The following SPRED1 variants were observed in gnomAD, a reference collection of about 807,000 sequenced individuals.
SPRED1 encodes the protein sprouty related EVH1 domain containing 1.
A neutral mutation model predicts 52.3 loss-of-function variants in SPRED1; 18 were observed. That is an observed-to-expected ratio of 0.34 (90% CI 0.24 to 0.51). The LOEUF (loss-of-function observed/expected upper bound fraction) is 0.51. Among genes scored for constraint, SPRED1 ranks in the 20% least tolerant of loss-of-function variants. The pLI is 0.97. For missense variants in SPRED1, 485 were observed against 551.0 expected, an observed-to-expected ratio of 0.88 and a Z score of 1.20; for synonymous variants, 155 against 179.7, an observed-to-expected ratio of 0.86 and a Z score of 1.10.
chr15:38,295,524 G>C (rs1218119552), intron 1 of SPRED1, among the ~76,000 whole-genome samples: 1 of 152,142 alleles, frequency 6.6e-6, no homozygotes, highest in East Asian at 1.9e-4. Flanking sequence ...TGACGGAAAC[G>C]TTATTATGCA....
At chr15:38,285,798 C>T (rs118002785) in intron 1 of SPRED1, among the ~76,000 whole-genome samples, 1 of 152,184 alleles carries the variant, frequency 6.6e-6, no homozygotes, top group African/African-American at 2.4e-5. Flanking sequence ...TTTCAAGTTA[C>T]CTTTTCCCCA....
At chr15:38,265,951 T>C (rs566282154) in intron 1 of SPRED1, among the ~76,000 whole-genome samples, 58 of 152,338 alleles carry the variant, frequency 3.8e-4, no homozygotes, top group African/African-American at 1.2e-3. Context: ...ACGCACTATT[T>C]CTGCCAGCTA....
In SPRED1 at chr15:38,299,391, G is replaced by A. The variant is rs864622421; in HGVS notation, c.51G>A (p.Val17=). ...ATTTTAGTAATAGTTATGCACGAGT[G>A]CGAGCTGTGGTGATGACCCGAGATG... ...TSDNDNSYAR[V]RAVVMTRDDS... is the part of the protein sequence containing the mutation. The change falls in exon 2 of 7, where the codon GTG becomes GTA. Residue 17 remains valine, a synonymous_variant. Coordinates refer to ENST00000299084, the MANE Select transcript of SPRED1 (RefSeq NM_152594.3). The A allele has an allele frequency of 6.2e-7, 1 of 1,613,902 alleles. No homozygotes were observed.
intron 1 of SPRED1, among the ~76,000 whole-genome samples, chr15:38,264,750 T>C (rs1894272316): frequency 6.6e-6 from 1 of 151,962 alleles, no homozygotes; most frequent in Admixed American, 6.6e-5. Flanking sequence ...GTAAGGATTT[T>C]GGAATTGGAG....
chr15:38,342,896 T>A (rs1454245828), intron 5 of SPRED1, among the ~76,000 whole-genome samples: 1 of 152,118 alleles, frequency 6.6e-6, no homozygotes, highest in South Asian at 2.1e-4. Context: ...GAGATAAATT[T>A]TGGAAATCAT....
At chr15:38,308,418 G>A (rs936614459) in intron 2 of SPRED1, among the ~76,000 whole-genome samples, 3 of 152,032 alleles carry the variant, frequency 2.0e-5, no homozygotes, top group East Asian at 3.8e-4. Flanking sequence ...GTTTTATCAC[G>A]TTTTCACTAC....
intron 1 of SPRED1, among the ~76,000 whole-genome samples, chr15:38,274,160 T>C (rs1049937532): frequency 1.3e-5 from 2 of 152,242 alleles, no homozygotes; most frequent in Admixed American, 6.5e-5. Context: ...CATTTTTAAA[T>C]GGTCAGACTA....
chr15:38,262,586 A>G (rs1894228097), intron 1 of SPRED1, among the ~76,000 whole-genome samples: 1 of 152,204 alleles, frequency 6.6e-6, no homozygotes, highest in African/African-American at 2.4e-5. Flanking sequence ...AGGAGTTGTT[A>G]AGGAAAGTGT....
At position 38,352,835 on chromosome 15, in the gene SPRED1, CA is replaced by C. The variant is rs930076987; in HGVS notation, c.*1175del. The C allele has an allele frequency of 6.6e-5, 10 of 152,130 alleles. No individual in the cohort carries two copies. Among genetic ancestry groups the C allele is most frequent in the Admixed American group, 6.5e-4 (10 of 15,284 alleles). The allele number at this position is 152,130 out of a possible 1,614,324, so 9.4% of individuals were successfully genotyped here. A position where few individuals can be genotyped will look rare whatever the true frequency, so the allele number is the denominator to read the frequency against. ...TATTTTTATTTAAACTGGCCAAAAGCAAAATTATTTTATGTTAAAATGTGTG... is the reference window on the plus strand; with the variant it reads ...TATTTTTATTTAAACTGGCCAAAAGCAAATTATTTTATGTTAAAATGTGTG... On this transcript the variant is annotated 3_prime_UTR_variant, in exon 7 of 7. Transcript: ENST00000299084.
At chr15:38,299,046 G>A (rs1895097595) in intron 1 of SPRED1, among the ~76,000 whole-genome samples, 1 of 152,302 alleles carries the variant, frequency 6.6e-6, no homozygotes, top group African/African-American at 2.4e-5. Flanking sequence ...ACCCTGTGTA[G>A]TTTGACAGTA....
In SPRED1 at chr15:38,253,085, C is replaced by T. The variant is rs1894013337; in HGVS notation, c.-101C>T. 3.0e-6 allele frequency: 3 copies of T among 999,494 alleles called. No individual in the cohort carries two copies. The highest frequency in any genetic ancestry group is 3.1e-6 in the Non-Finnish European group (2 of 651,076). 61.9% of individuals were successfully genotyped at this position (999,494 alleles called of 1,614,324 possible). A position where few individuals can be genotyped will look rare whatever the true frequency, so the allele number is the denominator to read the frequency against. On this transcript the variant is annotated 5_prime_UTR_variant, in exon 1 of 7. Transcript: ENST00000299084. ...TGAGGCCCCTGTGCCGCTGCCCCCG[C>T]GCCCCCCCGGCCGCCGCTGCCTCCT...
At chr15:38,341,684 C>A (rs1200625514) in intron 5 of SPRED1, among the ~76,000 whole-genome samples, 1 of 151,960 alleles carries the variant, frequency 6.6e-6, no homozygotes, top group East Asian at 1.9e-4. Context: ...TTCTGGTTTT[C>A]TCTTTGATGT....
intron 4 of SPRED1, among the ~76,000 whole-genome samples, chr15:38,339,482 C>G (rs565955971): frequency 1.3e-5 from 2 of 151,922 alleles, no homozygotes; most frequent in South Asian, 4.2e-4. Flanking sequence ...CATGGTTAGC[C>G]TTTTAGTTCT....
intron 3 of SPRED1, among the ~76,000 whole-genome samples, chr15:38,324,189 CTAGGACAAATCCTTTCTTATTAATT>C (rs1228795924): frequency 6.6e-6 from 1 of 152,140 alleles, no homozygotes; most frequent in African/African-American, 2.4e-5. Flanking sequence ...GAGTACTTTG[CTAGGACAAATCCTTTCTTATTAATT>C]TATTGAAACT....
chr15:38,298,312 A>G (rs2140977540), intron 1 of SPRED1, among the ~76,000 whole-genome samples: 1 of 152,292 alleles, frequency 6.6e-6, no homozygotes, highest in South Asian at 2.1e-4. Flanking sequence ...ATAGTTAAAC[A>G]TGTACCTATC....
At chr15:38,282,325 ACACACACACACACACACATG>A (rs1468938304) in intron 1 of SPRED1, among the ~76,000 whole-genome samples, 3 of 48,402 alleles carry the variant, frequency 6.2e-5, no homozygotes, top group African/African-American at 9.5e-5. Flanking sequence ...AAATACACAC[ACACACACACACACACACATG>A]CACACACACA....
chr15:38,308,058 G>A (rs891528410), intron 2 of SPRED1, among the ~76,000 whole-genome samples: 1 of 152,100 alleles, frequency 6.6e-6, no homozygotes, highest in Non-Finnish European at 1.5e-5. Context: ...AGATAAGTAT[G>A]ATGTCAGCTG....
intron 1 of SPRED1, among the ~76,000 whole-genome samples, chr15:38,283,823 A>G (rs1395508297): frequency 6.6e-6 from 1 of 152,184 alleles, no homozygotes; most frequent in Non-Finnish European, 1.5e-5. Context: ...ATTAAAGATA[A>G]TGTCTTTAAC....
intron 1 of SPRED1, among the ~76,000 whole-genome samples, chr15:38,271,812 A>G (rs183756664): frequency 2.2e-4 from 34 of 152,348 alleles, no homozygotes; most frequent in Admixed American, 1.4e-3. Context: ...TTACAAAGGC[A>G]TATTTCATGA....
Sources: gnomAD v4.1 joint callset for allele counts (sites outside exome capture counted in the v4.1 genomes callset) on GRCh38, gnomAD v4.1.1 for gene constraint, MANE v1.5 for transcripts, NCBI Gene and HGNC (gene_info 2026-07-23, HGNC 2026-07-21) for gene names.